PRKG1: variants seen among roughly 807,000 people sequenced by gnomAD.
The protein encoded by PRKG1 is cGMP-dependent protein kinase 1.
Under a neutral mutation model 88.1 loss-of-function variants are expected in PRKG1, and 35 were observed. That is an observed-to-expected ratio of 0.40 (90% confidence interval 0.30 to 0.53). PRKG1 has a LOEUF of 0.53. Ranked by LOEUF, PRKG1 falls within the 20% of genes least tolerant of loss-of-function variation. The pLI is 0.59. For missense variants in PRKG1, 540 were observed against 839.8 expected (o/e 0.64, Z 4.41); for synonymous variants, 303 against 292.5 (o/e 1.04, Z -0.37).
At chr10:51,213,277 G>A (rs1039489826) in intron 2 of PRKG1, among the ~76,000 whole-genome samples, 11 of 152,048 alleles carry the variant, frequency 7.2e-5, no homozygotes, top group African/African-American at 2.7e-4. Flanking sequence ...GAGAACACAT[G>A]GACACAGGAA....
At chr10:51,147,516 C>T (rs1476585610) in intron 1 of PRKG1, among the ~76,000 whole-genome samples, 1 of 152,082 alleles carries the variant, frequency 6.6e-6, no homozygotes, top group Non-Finnish European at 1.5e-5. Context: ...GCTATCTTCC[C>T]TTTCCACATC....
intron 2 of PRKG1, among the ~76,000 whole-genome samples, chr10:51,298,649 A>G (rs1840787376): frequency 6.6e-6 from 1 of 152,192 alleles, no homozygotes; most frequent in Non-Finnish European, 1.5e-5. Flanking sequence ...GTAATGTAGG[A>G]ATTGAAATAT....
intron 4 of PRKG1, among the ~76,000 whole-genome samples, chr10:51,854,481 T>C (rs1160394050): frequency 2.0e-5 from 3 of 152,104 alleles, no homozygotes; most frequent in Non-Finnish European, 4.4e-5. Flanking sequence ...AACCGGTATT[T>C]TAGTCAATGG....
chr10:51,938,589 T>G (rs1842843671), intron 5 of PRKG1, among the ~76,000 whole-genome samples: 1 of 152,042 alleles, frequency 6.6e-6, no homozygotes, highest in African/African-American at 2.4e-5. Flanking sequence ...TGTATGATCC[T>G]AATACATATG....
At chr10:51,722,691 T>C (rs986892121) in intron 3 of PRKG1, among the ~76,000 whole-genome samples, 5 of 152,152 alleles carry the variant, frequency 3.3e-5, no homozygotes, top group African/African-American at 1.2e-4. Context: ...TGGAAAACCA[T>C]AGTTTGTTTT....
intron 2 of PRKG1, among the ~76,000 whole-genome samples, chr10:51,440,499 A>T (rs1195714096): frequency 6.6e-6 from 1 of 151,920 alleles, no homozygotes. Flanking sequence ...CTACATAAAG[A>T]TTTCAAGAGA....
At chr10:52,290,971 G>A (rs563384556) in intron 17 of PRKG1, among the ~76,000 whole-genome samples, 20 of 144,638 alleles carry the variant, frequency 1.4e-4, no homozygotes, top group African/African-American at 4.6e-4. Flanking sequence ...CACCCAGGCT[G>A]GAATGCAGTG....
chr10:51,106,162 CTCT>C, intron 1 of PRKG1, among the ~76,000 whole-genome samples: 1 of 152,330 alleles, frequency 6.6e-6, no homozygotes, highest in Non-Finnish European at 1.5e-5. Flanking sequence ...TATTAAGCCT[CTCT>C]ATGCCTCAGT....
Position 51,152,991 on chromosome 10 carries a change from TTTG to T in PRKG1, c.312-170_312-168del, listed in dbSNP as rs951949587. Among the ~76,000 whole-genome samples the T allele has an allele frequency of 6.8e-5, 10 of 148,064 alleles. 1 individual carries two copies. The highest frequency in any genetic ancestry group is 4.0e-4 in the Admixed American group (6 of 14,886). On this transcript the variant is annotated intron_variant, in intron 1 of 17. Coordinates refer to ENST00000373980, the MANE Select transcript of PRKG1 (RefSeq NM_006258.4). ...TTCTTAGTGCCTTTTTTTTTTTTTT[TTTG>T]TTTTGCTGCCATGGACATACTTTGT...
At chr10:52,266,093 C>G (rs879241753) in intron 10 of PRKG1, among the ~76,000 whole-genome samples, 1 of 151,824 alleles carries the variant, frequency 6.6e-6, no homozygotes, top group Admixed American at 6.6e-5. Flanking sequence ...GAAGATAGTA[C>G]AGAAAATTCC....
chr10:51,142,435 G>T (rs1444232113), intron 1 of PRKG1, among the ~76,000 whole-genome samples: 1 of 151,702 alleles, frequency 6.6e-6, no homozygotes, highest in Non-Finnish European at 1.5e-5. Flanking sequence ...ACGTTAAAAT[G>T]GCCAAAGATA....
chr10:51,140,336 C>A (rs1002529333), intron 1 of PRKG1, among the ~76,000 whole-genome samples: 3 of 152,156 alleles, frequency 2.0e-5, no homozygotes, highest in African/African-American at 7.2e-5. Flanking sequence ...ATTTCACTTA[C>A]CCCCTTACCC....
In PRKG1 at chr10:52,282,334, G is replaced by C; in HGVS notation, c.1709+18G>C. 1 of 1,565,778 alleles carries C rather than the reference G, an allele frequency of 6.4e-7. No individual in the cohort carries two copies. Among genetic ancestry groups the C allele is most frequent in the Non-Finnish European group, 8.7e-7 (1 of 1,152,148 alleles). The stretch of plus-strand genomic sequence containing the variant: ...ACTGGCAGGTATGGATATTGATAGG[G>C]AACTGCTGATAAAAATAGACCAGCA... On this transcript the variant is annotated intron_variant, in intron 14 of 17. Coordinates refer to ENST00000373980, the MANE Select transcript of PRKG1 (RefSeq NM_006258.4).
rs527646906 is a variant in PRKG1 at position 51,775,566 on chromosome 10, AATTATT to A, written c.593-29000_593-28995del. The stretch of plus-strand genomic sequence containing the variant: ...TATTGTTGAGGAAGCCCAGTTCTTT[AATTATT>A]ATTATTATTATTATTATTTGTTTAT... On this transcript the variant is annotated intron_variant, in intron 3 of 17. Transcript: ENST00000373980. Among the ~76,000 whole-genome samples, 236 of 150,972 alleles carry A rather than the reference AATTATT, an allele frequency of 1.6e-3. 4 individuals carry two copies. Among genetic ancestry groups the A allele is most frequent in the East Asian group, 2.3e-3 (12 of 5,148 alleles).
At chr10:51,186,849 A>C (rs1186827682) in intron 2 of PRKG1, among the ~76,000 whole-genome samples, 1 of 150,678 alleles carries the variant, frequency 6.6e-6, no homozygotes, top group East Asian at 1.9e-4. Flanking sequence ...TATACTTTTT[A>C]CTTCATCTTT....
At chr10:52,216,192 T>C (rs1840107047) in intron 9 of PRKG1, among the ~76,000 whole-genome samples, 1 of 152,202 alleles carries the variant, frequency 6.6e-6, no homozygotes, top group Non-Finnish European at 1.5e-5. Context: ...TTGAATATAC[T>C]CTTCTTAGAC....
At chr10:51,327,547 G>A (rs1023217659) in intron 2 of PRKG1, among the ~76,000 whole-genome samples, 3 of 151,952 alleles carry the variant, frequency 2.0e-5, no homozygotes, top group African/African-American at 7.3e-5. Context: ...GTCACTTAAG[G>A]TCAGAGATAT....
At chr10:51,970,763 ATTATATATATATATCAGATATATCAGAT>A (rs1843693794) in intron 5 of PRKG1, among the ~76,000 whole-genome samples, 2 of 145,716 alleles carry the variant, frequency 1.4e-5, no homozygotes, top group Non-Finnish European at 3.0e-5. Flanking sequence ...GATATATCAG[ATTATATATATATATCAGATATATCAGAT>A]TATATATATA....
chr10:52,079,858 T>C (rs2133301981), intron 7 of PRKG1, among the ~76,000 whole-genome samples: 1 of 152,276 alleles, frequency 6.6e-6, no homozygotes, highest in African/African-American at 2.4e-5. Context: ...TTTACATTAT[T>C]AGATATATGG....
Sources: allele counts gnomAD v4.1 joint callset (sites outside exome capture counted in the v4.1 genomes callset), GRCh38; gene constraint gnomAD v4.1.1; transcripts MANE v1.5; gene names NCBI Gene and HGNC (gene_info 2026-07-23, HGNC 2026-07-21).